The following MYLK variants were observed in gnomAD, a reference collection of about 807,000 sequenced individuals.
MYLK encodes myosin light chain kinase, also known as myosin light chain kinase, smooth muscle.
A neutral mutation model predicts 203.4 loss-of-function variants in MYLK; 106 were observed. That is an observed-to-expected ratio of 0.52 (90% confidence interval 0.45 to 0.61). The LOEUF is 0.61. Ranked by LOEUF, MYLK falls within the 20% of genes least tolerant of loss-of-function variation. The pLI, the probability that MYLK is intolerant of heterozygous loss-of-function variation, is 0.00. For synonymous variants in MYLK, 867 were observed against 959.5 expected, an observed-to-expected ratio of 0.90 and a Z score of 1.78; for missense variants, 2,072 against 2,442.3, an observed-to-expected ratio of 0.85 and a Z score of 3.20.
intron 23 of MYLK, 50 bp downstream of exon 23, chr3:123,664,055 C>T (rs200951141): frequency 1.2e-6 from 2 of 1,612,574 alleles, no homozygotes; most frequent in East Asian, 2.2e-5. Flanking sequence ...CTGGGGGCTC[C>T]CTGCCTTCCC....
Position 123,640,278 on chromosome 3 carries a change from G to A in MYLK, c.4837+9C>T. 2 of 1,613,438 alleles carry A rather than the reference G, an allele frequency of 1.2e-6. No individual in the cohort carries two copies. The highest frequency in any genetic ancestry group is 1.7e-6 in the Non-Finnish European group (2 of 1,179,530). ...ACTGGTGTCCATGGGAGAGGCAGAT[G>A]AGCCTTACCCAGCCTCCTGGCCAGA... On this transcript the variant is annotated intron_variant, in intron 28 of 33. Transcript: ENST00000360304. The surrounding 1 kb of genome is among the most constrained non-coding windows in gnomAD (Gnocchi z 4.3).
chr3:123,881,836 C>T (rs190873825), intron 1 of MYLK, among the ~76,000 whole-genome samples: 1 of 152,294 alleles, frequency 6.6e-6, no homozygotes, highest in South Asian at 2.1e-4. Flanking sequence ...AGACCCAGAA[C>T]CTTTCCCCAC....
At chr3:123,650,078 A>G (rs1481430965) in intron 24 of MYLK, among the ~76,000 whole-genome samples, 2 of 152,208 alleles carry the variant, frequency 1.3e-5, no homozygotes, top group Non-Finnish European at 2.9e-5. Context: ...GGCATCCAGC[A>G]CAGCACGCCC....
intron 2 of MYLK, among the ~76,000 whole-genome samples, chr3:123,851,119 C>T (rs756188801): frequency 8.5e-5 from 13 of 152,260 alleles, no homozygotes; most frequent in Non-Finnish European, 1.6e-4. Context: ...TGTTTTGGTA[C>T]CAGTACCATG....
In MYLK at chr3:123,701,019, A is replaced by C; in HGVS notation, c.2463-14T>G. 6.3e-7 allele frequency: 1 copy of C among 1,577,300 alleles called. No individual in the cohort carries two copies. The highest frequency in any genetic ancestry group is 8.6e-7 in the Non-Finnish European group (1 of 1,165,204). On this transcript the variant is annotated splice_polypyrimidine_tract_variant and intron_variant, in intron 17 of 33. Coordinates refer to ENST00000360304, the MANE Select transcript of MYLK (RefSeq NM_053025.4). ...GGCTCCCTCCCCCTGCAACCAGTGTAGGGAAAAAGGAAAGTAGCAGGAGGA... is the reference window on the plus strand; with the variant it reads ...GGCTCCCTCCCCCTGCAACCAGTGTCGGGAAAAAGGAAAGTAGCAGGAGGA...
chr3:123,676,122 G>T (rs950375037), intron 20 of MYLK, among the ~76,000 whole-genome samples: 1 of 152,220 alleles, frequency 6.6e-6, no homozygotes, highest in African/African-American at 2.4e-5. Flanking sequence ...TACCTTCCAG[G>T]TCTCCCCTCT....
intron 18 of MYLK, among the ~76,000 whole-genome samples, chr3:123,698,592 A>G (rs2061033897): frequency 6.6e-6 from 1 of 152,166 alleles, no homozygotes. Context: ...AGGGGGGCTG[A>G]GCCAGCAGAG....
chr3:123,640,153 G>A lies in MYLK; in HGVS notation c.4837+134C>T, dbSNP rs181122755. ...TCACGTCTAGTATGTGGTAGGGGCA[G>A]GATTCAAACCTGGGAAGTCTTCATG... On this transcript the variant is annotated intron_variant, in intron 28 of 33. Coordinates refer to ENST00000360304, the MANE Select transcript of MYLK (RefSeq NM_053025.4). The surrounding 1 kb of genome is among the most constrained non-coding windows in gnomAD (Gnocchi z 4.3). 1.2e-6 allele frequency: 1 copy of A among 810,984 alleles called. No individual in the cohort carries two copies. The highest frequency in any genetic ancestry group is 2.6e-5 in the East Asian group (1 of 38,290). 50.2% of individuals were successfully genotyped at this position (810,984 alleles called of 1,614,324 possible).
chr3:123,720,219 G>A (rs1248554689), intron 13 of MYLK, among the ~76,000 whole-genome samples: 1 of 152,140 alleles, frequency 6.6e-6, no homozygotes, highest in African/African-American at 2.4e-5. Context: ...CTTTGGATGG[G>A]TGGTGATCCT....
intron 3 of MYLK, among the ~76,000 whole-genome samples, chr3:123,824,183 G>C (rs538573170): frequency 1.4e-3 from 207 of 151,564 alleles, no homozygotes; most frequent in Non-Finnish European, 2.6e-3. Context: ...TCTGCCTCCT[G>C]GGTCCAAGTG....
chr3:123,811,898 C>T (rs933803055), intron 3 of MYLK, among the ~76,000 whole-genome samples: 10 of 152,154 alleles, frequency 6.6e-5, no homozygotes, highest in Non-Finnish European at 1.5e-4. Flanking sequence ...TCTATAAAAA[C>T]ATATCTATTA....
rs142159696 is a variant in MYLK at position 123,672,301 on chromosome 3, C to A, written c.3653-5114G>T. Reference sequence around the variant, plus strand: ...GAGCGAGAGAGACCAGACAAATGCACACACAGAGAAAAGAACATGTGAGGA... The same window carrying A: ...GAGCGAGAGAGACCAGACAAATGCAAACACAGAGAAAAGAACATGTGAGGA... On this transcript the variant is annotated intron_variant, in intron 20 of 33. Transcript: ENST00000360304. 2.6e-4 allele frequency among the ~76,000 whole-genome samples: 39 copies of A among 152,032 alleles called. 1 individual carries two copies. In the East Asian group the frequency reaches 7.2e-3, roughly 28 times the overall value.
chr3:123,751,839 T>C (rs558318193), intron 5 of MYLK, among the ~76,000 whole-genome samples: 1 of 152,178 alleles, frequency 6.6e-6, no homozygotes, highest in Non-Finnish European at 1.5e-5. Flanking sequence ...GAGAACAGAC[T>C]TGAAGGATGT....
intron 12 of MYLK, 115 bp from the exon 13 acceptor site, chr3:123,722,395 G>A: frequency 1.8e-6 from 2 of 1,138,406 alleles, no homozygotes; most frequent in African/African-American, 1.5e-5. Context: ...TGCTTGCTCA[G>A]ATCCACTGAG....
At chr3:123,831,412 C>T (rs1039759095) in intron 3 of MYLK, 136 bp downstream of exon 3, 199 of 1,289,398 alleles carry the variant, frequency 1.5e-4, no homozygotes, top group Non-Finnish European at 1.9e-4. Flanking sequence ...GGGCAGCTGG[C>T]CAGGTGCCAT....
At chr3:123,840,726 T>C (rs1385264545) in intron 2 of MYLK, among the ~76,000 whole-genome samples, 6 of 152,036 alleles carry the variant, frequency 3.9e-5, no homozygotes, top group Non-Finnish European at 8.8e-5. Context: ...GTGTGGTTTA[T>C]CCTGAAAATG....
chr3:123,688,669 ACCATCCTGC>A (rs1355666649), intron 19 of MYLK, among the ~76,000 whole-genome samples: 1 of 151,814 alleles, frequency 6.6e-6, no homozygotes, highest in Non-Finnish European at 1.5e-5. Flanking sequence ...CTCACTTCCT[ACCATCCTGC>A]CCCTTGCTCA....
At position 123,682,367 on chromosome 3, in the gene MYLK, G is replaced by GGGTC. The variant is rs1427802410; in HGVS notation, c.3566-61_3566-58dup. On this transcript the variant is annotated intron_variant, in intron 19 of 33. Transcript: ENST00000360304. ...CAGCTGCTGAGGAAATGAGCAAAGG[G>GGGTC]GGTCTCTCAGTCAAAATCCCACCTC... 5 of 1,358,622 alleles carry GGGTC rather than the reference G, an allele frequency of 3.7e-6. No homozygotes were observed. The African/African-American group carries it at 7.2e-5, about 20-fold the overall frequency. The allele number at this position is 1,358,622 out of a possible 1,614,324, so 84.2% of individuals were successfully genotyped here.
intron 28 of MYLK, among the ~76,000 whole-genome samples, chr3:123,639,533 C>T (rs1480840459): frequency 1.3e-5 from 2 of 152,294 alleles, no homozygotes; most frequent in East Asian, 1.9e-4. Context: ...CCTCAATCAC[C>T]GGGACATCAA....
Sources: allele counts gnomAD v4.1 joint callset (sites outside exome capture counted in the v4.1 genomes callset), GRCh38; gene constraint gnomAD v4.1.1; non-coding constraint Gnocchi (gnomAD v3.1); transcripts MANE v1.5; gene names NCBI Gene and HGNC (gene_info 2026-07-23, HGNC 2026-07-21).